Variants in HS2ST1 observed in about 807,000 individuals in gnomAD.
HS2ST1 encodes the protein heparan sulfate 2-O-sulfotransferase 1.
In HS2ST1, 18 loss-of-function variants were observed where a neutral mutation model predicts 42.9. The observed-to-expected ratio is 0.42, with a 90% confidence interval of 0.29 to 0.62. HS2ST1 has a LOEUF of 0.62. HS2ST1 is among the 20% of genes least tolerant of loss of function. The probability of loss-of-function intolerance (pLI) is 0.21; values close to 1 mark genes in which losing one functional copy is unlikely to be tolerated. For synonymous variants in HS2ST1, 146 were observed against 152.9 expected (o/e 0.95, Z 0.33); for missense variants, 334 against 433.8 (o/e 0.77, Z 2.04).
intron 1 of HS2ST1, among the ~76,000 whole-genome samples, chr1:86,984,822 G>A (rs1002424288): frequency 3.3e-5 from 5 of 151,438 alleles, no homozygotes; most frequent in Non-Finnish European, 5.9e-5. Flanking sequence ...GGCTGAGGCG[G>A]GAGAACCTGG....
intron 1 of HS2ST1, among the ~76,000 whole-genome samples, chr1:87,018,161 CACAG>C (rs1461584025): frequency 2.7e-5 from 4 of 149,298 alleles, no homozygotes; most frequent in Admixed American, 6.7e-5. Context: ...CACACACACA[CACAG>C]ACACACACAC....
intron 1 of HS2ST1, among the ~76,000 whole-genome samples, chr1:87,024,461 A>G (rs888205363): frequency 6.6e-6 from 1 of 150,438 alleles, no homozygotes; most frequent in Admixed American, 6.6e-5. Flanking sequence ...AGATTGTGCC[A>G]TTGCACTTCA....
chr1:87,079,860 T>A (rs1202810694), intron 2 of HS2ST1, among the ~76,000 whole-genome samples: 2 of 141,962 alleles, frequency 1.4e-5, no homozygotes, highest in East Asian at 4.1e-4. Flanking sequence ...TGGTAACAAC[T>A]CTACAAAAAA....
intron 1 of HS2ST1, among the ~76,000 whole-genome samples, chr1:86,987,325 C>T (rs751305813): frequency 4.6e-5 from 7 of 152,034 alleles, no homozygotes; most frequent in African/African-American, 1.2e-4. Flanking sequence ...CCGTATGCCT[C>T]GGCCCCCCAA....
intron 1 of HS2ST1, among the ~76,000 whole-genome samples, chr1:86,983,903 G>A (rs902933536): frequency 2.0e-5 from 3 of 152,064 alleles, no homozygotes; most frequent in Admixed American, 6.6e-5. Flanking sequence ...AGCTGGGCGC[G>A]GTGGCGGGCG....
intron 1 of HS2ST1, among the ~76,000 whole-genome samples, chr1:86,930,372 A>C (rs1392477661): frequency 6.6e-6 from 1 of 151,924 alleles, no homozygotes; most frequent in African/African-American, 2.4e-5. Flanking sequence ...TCATTTCTTA[A>C]TGACTTTACC....
At chr1:86,961,341 T>C (rs1173050040) in intron 1 of HS2ST1, among the ~76,000 whole-genome samples, 3 of 152,058 alleles carry the variant, frequency 2.0e-5, no homozygotes, top group African/African-American at 4.8e-5. Flanking sequence ...GGAAAACATA[T>C]ACTATGATGA....
At chr1:87,044,962 C>T (rs1650610495) in intron 1 of HS2ST1, 1 of 1,592,496 alleles carries the variant, frequency 6.3e-7, no homozygotes, top group Non-Finnish European at 8.6e-7. Context: ...TCCAGCTCTT[C>T]CTTCTGTTCT....
At chr1:87,055,256 CTA>C (rs879827883) in intron 1 of HS2ST1, among the ~76,000 whole-genome samples, 3 of 152,180 alleles carry the variant, frequency 2.0e-5, no homozygotes, top group African/African-American at 4.8e-5. Context: ...AGACTACAAA[CTA>C]TCCTGAATTC....
At chr1:87,037,047 G>A (rs1650392311) in intron 1 of HS2ST1, among the ~76,000 whole-genome samples, 1 of 151,834 alleles carries the variant, frequency 6.6e-6, no homozygotes, top group Non-Finnish European at 1.5e-5. Flanking sequence ...CTAACGAAGT[G>A]AATATCATAA....
At chr1:87,041,088 T>G (rs1192888887) in intron 1 of HS2ST1, among the ~76,000 whole-genome samples, 1 of 152,110 alleles carries the variant, frequency 6.6e-6, no homozygotes, top group African/African-American at 2.4e-5. Context: ...ATCAGTGTTT[T>G]ATTTAGCATC....
chr1:86,996,822 G>A lies in HS2ST1; in HGVS notation c.125-76112G>A, dbSNP rs1246955933. 3.9e-5 allele frequency among the ~76,000 whole-genome samples: 6 copies of A among 152,234 alleles called. No homozygotes were observed. In the East Asian group the frequency reaches 1.2e-3, roughly 29 times the overall value. On this transcript the variant is annotated intron_variant, in intron 1 of 6. Transcript: ENST00000370550. The stretch of plus-strand genomic sequence containing the variant: ...GATATCTCCAAGGAAATCACAAAAA[G>A]CAGCATAGCAGATTTGAAAAGGAAC...
chr1:86,937,665 A>G (rs1302462278), intron 1 of HS2ST1, among the ~76,000 whole-genome samples: 5 of 152,080 alleles, frequency 3.3e-5, no homozygotes, highest in Admixed American at 3.3e-4. Context: ...TCCTAGCTGC[A>G]GTCTTTAACA....
chr1:87,004,093 A>AG (rs1340165221), intron 1 of HS2ST1, among the ~76,000 whole-genome samples: 6 of 152,232 alleles, frequency 3.9e-5, no homozygotes, highest in African/African-American at 9.6e-5. Context: ...GATTCAAAAA[A>AG]TATTTACTGA....
intron 1 of HS2ST1, among the ~76,000 whole-genome samples, chr1:87,000,133 C>A: frequency 6.6e-6 from 1 of 150,686 alleles, no homozygotes; most frequent in African/African-American, 2.4e-5. Context: ...AATGAAAATC[C>A]CAAAAGTAGT....
At chr1:86,988,432 C>T (rs1004787885) in intron 1 of HS2ST1, among the ~76,000 whole-genome samples, 2 of 152,196 alleles carry the variant, frequency 1.3e-5, no homozygotes, top group Admixed American at 6.5e-5. Flanking sequence ...TGTTAAGCCT[C>T]CTTACATGCT....
At chr1:86,967,399 A>G (rs377194709) in intron 1 of HS2ST1, among the ~76,000 whole-genome samples, 12 of 152,198 alleles carry the variant, frequency 7.9e-5, no homozygotes, top group African/African-American at 2.9e-4. Flanking sequence ...CCTCTCACCA[A>G]AGTAGTGTAC....
intron 1 of HS2ST1, chr1:86,993,253 A>G (rs1202327808): frequency 1.7e-6 from 2 of 1,193,920 alleles, no homozygotes; most frequent in East Asian, 2.6e-5. Flanking sequence ...AAATCTAAAA[A>G]CTGATAATAG....
At chr1:87,016,258 G>A (rs1414919897) in intron 1 of HS2ST1, among the ~76,000 whole-genome samples, 2 of 152,220 alleles carry the variant, frequency 1.3e-5, no homozygotes, top group East Asian at 3.8e-4. Flanking sequence ...GTTAAAAGCA[G>A]AGTGACTTAT....
Sources: gnomAD v4.1 joint callset for allele counts (sites outside exome capture counted in the v4.1 genomes callset) on GRCh38, gnomAD v4.1.1 for gene constraint, MANE v1.5 for transcripts, NCBI Gene and HGNC (gene_info 2026-07-23, HGNC 2026-07-21) for gene names.